PDLIM5: variants seen among roughly 807,000 people sequenced by gnomAD.
The protein encoded by PDLIM5 is PDZ and LIM domain protein 5.
A neutral mutation model predicts 64.2 loss-of-function variants in PDLIM5; 34 were observed. The ratio of observed to expected loss-of-function variants is 0.53; its 90% CI spans 0.40 to 0.71. The LOEUF is 0.71. Ranked by LOEUF, PDLIM5 falls within the 30% of genes least tolerant of loss-of-function variation. The pLI, the probability that PDLIM5 is intolerant of heterozygous loss-of-function variation, is 0.00. For missense variants in PDLIM5, 683 were observed against 733.6 expected (o/e 0.93, Z 0.80); for synonymous variants, 253 against 269.1 (o/e 0.94, Z 0.59).
intron 8 of PDLIM5, among the ~76,000 whole-genome samples, chr4:94,629,877 C>T (rs1378326341): frequency 6.6e-6 from 1 of 152,212 alleles, no homozygotes; most frequent in Non-Finnish European, 1.5e-5. Flanking sequence ...GATCCCAGAT[C>T]TTGGCTTAAC....
At chr4:94,636,227 G>A (rs1740546316) in intron 8 of PDLIM5, among the ~76,000 whole-genome samples, 1 of 152,136 alleles carries the variant, frequency 6.6e-6, no homozygotes, top group South Asian at 2.1e-4. Flanking sequence ...AAGTATCTCA[G>A]TGACTCAGTA....
intron 3 of PDLIM5, among the ~76,000 whole-genome samples, chr4:94,566,058 T>C (rs945178235): frequency 5.3e-5 from 8 of 152,204 alleles, no homozygotes. Context: ...TTGGAGCCAT[T>C]ACTCTCTGAA....
Position 94,616,500 on chromosome 4 carries a change from A to G in PDLIM5, c.921-1504A>G, listed in dbSNP as rs372780195. Among the ~76,000 whole-genome samples, 10 of 152,322 alleles carry G rather than the reference A, an allele frequency of 6.6e-5. No individual in the cohort carries two copies. In the East Asian group the frequency reaches 1.3e-3, roughly 21 times the overall value. On this transcript the variant is annotated intron_variant, in intron 7 of 12. Transcript: ENST00000317968. ...AGAGATGTAAAATAATTTGTCCACCACAGTGCTTTTAAAAGATGCTCGTAA... is the reference window on the plus strand; with the variant it reads ...AGAGATGTAAAATAATTTGTCCACCGCAGTGCTTTTAAAAGATGCTCGTAA...
chr4:94,628,378 A>G (rs192887035), intron 8 of PDLIM5, among the ~76,000 whole-genome samples: 1 of 152,318 alleles, frequency 6.6e-6, no homozygotes, highest in Non-Finnish European at 1.5e-5. Flanking sequence ...TTGGAGAGCT[A>G]ATGACTTTAA....
intron 3 of PDLIM5, among the ~76,000 whole-genome samples, chr4:94,530,451 A>G (rs113518291): frequency 0.035 from 5,343 of 150,808 alleles, 335 homozygotes; most frequent in African/African-American, 0.12. Flanking sequence ...CAGAAAATAC[A>G]GTACTATATA....
chr4:94,468,335 G>A (rs889117600), intron 2 of PDLIM5, among the ~76,000 whole-genome samples: 1 of 152,122 alleles, frequency 6.6e-6, no homozygotes, highest in African/African-American at 2.4e-5. Context: ...TACATTTTTT[G>A]TAGAGATGAG....
intron 2 of PDLIM5, among the ~76,000 whole-genome samples, chr4:94,503,004 TG>T (rs1411715915): frequency 1.3e-5 from 2 of 152,224 alleles, no homozygotes; most frequent in Non-Finnish European, 2.9e-5. Flanking sequence ...GGGCGAGCTT[TG>T]GTAAGGTTTT....
chr4:94,515,055 T>C (rs1017296165), intron 2 of PDLIM5, among the ~76,000 whole-genome samples: 3 of 152,218 alleles, frequency 2.0e-5, no homozygotes, highest in Non-Finnish European at 4.4e-5. Flanking sequence ...GCCTGTTGAC[T>C]AAATACCTTT....
At chr4:94,487,047 A>G (rs557498942) in intron 2 of PDLIM5, among the ~76,000 whole-genome samples, 25 of 152,270 alleles carry the variant, frequency 1.6e-4, no homozygotes, top group African/African-American at 5.5e-4. Context: ...ATCTATGTAC[A>G]TGGGTGGCTG....
intron 8 of PDLIM5, among the ~76,000 whole-genome samples, chr4:94,625,576 C>G (rs946926686): frequency 2.0e-5 from 3 of 151,992 alleles, no homozygotes; most frequent in Admixed American, 1.3e-4. Flanking sequence ...CCTCAGCCCC[C>G]CAAGTAGCTG....
chr4:94,625,324 G>A (rs546743135), intron 8 of PDLIM5, among the ~76,000 whole-genome samples: 10 of 152,202 alleles, frequency 6.6e-5, no homozygotes, highest in Non-Finnish European at 1.5e-4. Context: ...CAAGAAATTA[G>A]TGGATATTAT....
intron 2 of PDLIM5, among the ~76,000 whole-genome samples, chr4:94,506,470 G>A (rs893724903): frequency 3.9e-5 from 6 of 152,132 alleles, no homozygotes; most frequent in Non-Finnish European, 8.8e-5. Flanking sequence ...GCTTCAGGAT[G>A]GTACCTGATA....
At position 94,664,093 on chromosome 4, in the gene PDLIM5, G is replaced by T. The variant is rs1386909120; in HGVS notation, c.*26G>T. ...AAGTCAACAGTTCAGGAGAAGAGAAGGAATTTGAAGAGAAAAAGGAAAATT... is the reference window on the plus strand; with the variant it reads ...AAGTCAACAGTTCAGGAGAAGAGAATGAATTTGAAGAGAAAAAGGAAAATT... On this transcript the variant is annotated 3_prime_UTR_variant, in exon 13 of 13. Coordinates refer to ENST00000317968, the MANE Select transcript of PDLIM5 (RefSeq NM_006457.5). 3.3e-6 allele frequency: 5 copies of T among 1,497,430 alleles called. No individual in the cohort carries two copies. The highest frequency in any genetic ancestry group is 1.4e-5 in the South Asian group (1 of 73,306). 92.8% of individuals were successfully genotyped at this position (1,497,430 alleles called of 1,614,324 possible). A position where few individuals can be genotyped will look rare whatever the true frequency, so the allele number is the denominator to read the frequency against.
chr4:94,463,631 A>G (rs971632063), intron 2 of PDLIM5, among the ~76,000 whole-genome samples: 2 of 152,118 alleles, frequency 1.3e-5, no homozygotes, highest in African/African-American at 4.8e-5. Flanking sequence ...GAAGCAGGAG[A>G]AAGCAGGAGA....
Position 94,585,590 on chromosome 4 carries a change from C to T in PDLIM5, c.736C>T (p.Arg246Cys), listed in dbSNP as rs201891054. The T allele has an allele frequency of 3.0e-5, 48 of 1,610,860 alleles. No individual in the cohort carries two copies. Among genetic ancestry groups the T allele is most frequent in the Admixed American group, 1.5e-4 (9 of 59,792 alleles). The change falls in exon 6 of 13, where the codon CGC (arginine) becomes TGC (cysteine). Residue 246 changes from arginine to cysteine, a missense_variant. Transcript: ENST00000317968. The part of the protein sequence containing the change: ...NGPPRKHIVE[R>C]YTEFYHVPTH... ...CCCACCAAGAAAACACATTGTGGAGCGCTATACAGAGTTTTATCATGTACC... is the reference window on the plus strand; with the variant it reads ...CCCACCAAGAAAACACATTGTGGAGTGCTATACAGAGTTTTATCATGTACC...
At chr4:94,544,576 C>T (rs778038198) in intron 3 of PDLIM5, among the ~76,000 whole-genome samples, 45 of 152,184 alleles carry the variant, frequency 3.0e-4, no homozygotes, top group Non-Finnish European at 4.9e-4. Context: ...TGCGCATCTC[C>T]ACCACCACAC....
chr4:94,602,174 T>C (rs2110352504), intron 7 of PDLIM5, among the ~76,000 whole-genome samples: 1 of 152,352 alleles, frequency 6.6e-6, no homozygotes, highest in Admixed American at 6.5e-5. Context: ...TTTTTCCTCT[T>C]ATTGAAAACT....
chr4:94,562,654 A>G (rs1377700093), intron 3 of PDLIM5, among the ~76,000 whole-genome samples: 1 of 152,200 alleles, frequency 6.6e-6, no homozygotes, highest in Non-Finnish European at 1.5e-5. Flanking sequence ...TTGAGATTCC[A>G]TGATGTGAGT....
At chr4:94,618,258 G>GAT in intron 8 of PDLIM5, 67 bp downstream of exon 8, 1 of 1,092,876 alleles carries the variant, frequency 9.2e-7, no homozygotes, top group South Asian at 1.7e-5. Context: ...TGTGTTCTGG[G>GAT]ATATATGGTA....
Sources: allele counts gnomAD v4.1 joint callset (sites outside exome capture counted in the v4.1 genomes callset), GRCh38; gene constraint gnomAD v4.1.1; transcripts MANE v1.5; gene names NCBI Gene and HGNC (gene_info 2026-07-23, HGNC 2026-07-21).